DPP10: variants seen among roughly 807,000 people sequenced by gnomAD.
The protein encoded by DPP10 is dipeptidyl peptidase like 10.
Under a neutral mutation model 120.9 loss-of-function variants are expected in DPP10, and 33 were observed. That is an observed-to-expected ratio of 0.27 (90% confidence interval 0.21 to 0.37). The LOEUF is 0.37. Among genes scored for constraint, DPP10 ranks in the 10% least tolerant of loss-of-function variants. DPP10 has a pLI of 1.00. For synonymous variants in DPP10, 337 were observed against 326.1 expected, an observed-to-expected ratio of 1.03 and a Z score of -0.36; for missense variants, 816 against 942.8, an observed-to-expected ratio of 0.87 and a Z score of 1.76.
At chr2:114,951,913 A>G (rs1310736761) in intron 1 of DPP10, among the ~76,000 whole-genome samples, 4 of 152,022 alleles carry the variant, frequency 2.6e-5, no homozygotes, top group Non-Finnish European at 5.9e-5. Context: ...CGAGTTTAAT[A>G]TATCTTGTGA....
intron 1 of DPP10, among the ~76,000 whole-genome samples, chr2:114,504,720 T>C (rs1231969333): frequency 6.6e-6 from 1 of 152,152 alleles, no homozygotes; most frequent in Non-Finnish European, 1.5e-5. Context: ...AGATTCTTCC[T>C]CTACCCTCTA....
At chr2:115,640,622 G>A (rs2086706829) in intron 5 of DPP10, among the ~76,000 whole-genome samples, 1 of 152,158 alleles carries the variant, frequency 6.6e-6, no homozygotes, top group South Asian at 2.1e-4. Flanking sequence ...ATAGATAAGT[G>A]TGAGTGAGAA....
chr2:115,194,230 G>T (rs1559218831), intron 1 of DPP10, among the ~76,000 whole-genome samples: 1 of 146,870 alleles, frequency 6.8e-6, no homozygotes, highest in African/African-American at 2.5e-5. Context: ...GGAGTTTGTT[G>T]TTTTTTTTTT....
intron 1 of DPP10, among the ~76,000 whole-genome samples, chr2:114,497,070 CAT>C (rs1272972272): frequency 6.7e-6 from 1 of 149,848 alleles, no homozygotes; most frequent in African/African-American, 2.5e-5. Flanking sequence ...TATACATACA[CAT>C]ATACATATAC....
chr2:114,739,637 T>A (rs1370806986), intron 1 of DPP10, among the ~76,000 whole-genome samples: 1 of 152,040 alleles, frequency 6.6e-6, no homozygotes, highest in Non-Finnish European at 1.5e-5. Flanking sequence ...CCAGCCTGGG[T>A]GACAGAGCAA....
Position 115,460,461 on chromosome 2 carries a change from A to G in DPP10, c.272-39049A>G, listed in dbSNP as rs144668332. ...TGTTTTAAAACACTTATTTAGATCTAGACTTAAGTGTTGCTTTTCTTGTAG... is the reference window on the plus strand; with the variant it reads ...TGTTTTAAAACACTTATTTAGATCTGGACTTAAGTGTTGCTTTTCTTGTAG... On this transcript the variant is annotated intron_variant, in intron 3 of 25. Transcript: ENST00000410059. Among the ~76,000 whole-genome samples, 4 of 152,278 alleles carry G rather than the reference A, an allele frequency of 2.6e-5. No homozygotes were observed. The East Asian group carries it at 7.7e-4, about 29-fold the overall frequency.
intron 1 of DPP10, among the ~76,000 whole-genome samples, chr2:115,260,015 G>T (rs1243056273): frequency 2.6e-5 from 4 of 151,174 alleles, no homozygotes; most frequent in Non-Finnish European, 5.9e-5. Context: ...AAAATGATAT[G>T]TTTAAAAACT....
chr2:114,577,122 A>G lies in DPP10; in HGVS notation c.60+134284A>G, dbSNP rs551822315. Among the ~76,000 whole-genome samples the G allele has an allele frequency of 8.5e-5, 13 of 152,310 alleles. No individual in the cohort carries two copies. The South Asian group carries it at 2.7e-3, about 32-fold the overall frequency. Reference sequence around the variant, plus strand: ...GTTGGCAGGACTGCAGAATGGTGATATGTATGTTTTCTCCCTCATCTGTGC... The same window carrying G: ...GTTGGCAGGACTGCAGAATGGTGATGTGTATGTTTTCTCCCTCATCTGTGC... On this transcript the variant is annotated intron_variant, in intron 1 of 25. Coordinates refer to ENST00000410059, the MANE Select transcript of DPP10 (RefSeq NM_020868.6).
chr2:115,089,278 C>G (rs752256503), intron 1 of DPP10, among the ~76,000 whole-genome samples: 10 of 152,144 alleles, frequency 6.6e-5, no homozygotes, highest in Non-Finnish European at 1.3e-4. Context: ...TTCTTACACA[C>G]AGTCAGAATA....
intron 17 of DPP10, among the ~76,000 whole-genome samples, chr2:115,785,875 G>T (rs1171605490): frequency 6.8e-6 from 1 of 146,364 alleles, no homozygotes; most frequent in Admixed American, 6.9e-5. Context: ...CTTTGGGATT[G>T]ATTTGCTCTT....
chr2:115,161,710 T>G, intron 1 of DPP10: 5 of 382,226 alleles, frequency 1.3e-5, no homozygotes, highest in East Asian at 4.2e-5. Context: ...CTCGCTGCGC[T>G]TTGGGTGGCG....
At chr2:114,549,547 G>A (rs1002615285) in intron 1 of DPP10, among the ~76,000 whole-genome samples, 1 of 151,640 alleles carries the variant, frequency 6.6e-6, no homozygotes, top group African/African-American at 2.4e-5. Flanking sequence ...TGTAGTCCCA[G>A]CTACTCAGGA....
intron 5 of DPP10, among the ~76,000 whole-genome samples, chr2:115,632,734 G>GA (rs1272516672): frequency 4.6e-5 from 7 of 152,094 alleles, no homozygotes; most frequent in African/African-American, 7.2e-5. Flanking sequence ...AAATTTACAA[G>GA]AAAAAATCAA....
chr2:115,646,200 C>T (rs542923807), intron 5 of DPP10, among the ~76,000 whole-genome samples: 2 of 152,192 alleles, frequency 1.3e-5, no homozygotes, highest in East Asian at 3.9e-4. Flanking sequence ...TCTATGTCAC[C>T]ATATTACTGC....
intron 3 of DPP10, among the ~76,000 whole-genome samples, chr2:115,359,882 C>A (rs1232155882): frequency 6.6e-6 from 1 of 151,914 alleles, no homozygotes; most frequent in Admixed American, 6.6e-5. Context: ...GAGATTATTT[C>A]CTCAGCATTG....
chr2:114,509,513 G>T (rs1321670179), intron 1 of DPP10, among the ~76,000 whole-genome samples: 1 of 152,194 alleles, frequency 6.6e-6, no homozygotes, highest in Non-Finnish European at 1.5e-5. Flanking sequence ...ATTCTGAACT[G>T]CTTTTCCCCA....
intron 1 of DPP10, among the ~76,000 whole-genome samples, chr2:114,746,864 T>C (rs760642400): frequency 2.0e-5 from 3 of 152,164 alleles, no homozygotes; most frequent in Admixed American, 1.3e-4. Flanking sequence ...ATGCCCCCTC[T>C]TCACTTAAGC....
chr2:114,701,864 T>C (rs574439747), intron 1 of DPP10, among the ~76,000 whole-genome samples: 10 of 152,124 alleles, frequency 6.6e-5, no homozygotes, highest in African/African-American at 2.4e-4. Context: ...TCTATGAAAA[T>C]AATGTGAAAA....
At chr2:115,075,776 A>C (rs1707739191) in intron 1 of DPP10, among the ~76,000 whole-genome samples, 1 of 151,996 alleles carries the variant, frequency 6.6e-6, no homozygotes, top group Non-Finnish European at 1.5e-5. Flanking sequence ...TTTTAATTAA[A>C]ATTCTATTTC....
Sources: gnomAD v4.1 joint callset for allele counts (sites outside exome capture counted in the v4.1 genomes callset) on GRCh38, gnomAD v4.1.1 for gene constraint, MANE v1.5 for transcripts, NCBI Gene and HGNC (gene_info 2026-07-23, HGNC 2026-07-21) for gene names.